Variants in ADAM11 observed in about 807,000 individuals in gnomAD.
ADAM11 encodes the protein disintegrin and metalloproteinase domain-containing protein 11.
A neutral mutation model predicts 119.1 loss-of-function variants in ADAM11; 49 were observed. That is an observed-to-expected ratio of 0.41 (90% CI 0.33 to 0.52). The LOEUF (loss-of-function observed/expected upper bound fraction) is 0.52. Among genes scored for constraint, ADAM11 ranks in the 20% least tolerant of loss-of-function variants. The pLI is 0.20. For synonymous variants in ADAM11, 364 were observed against 408.0 expected (o/e 0.89, Z 1.30); for missense variants, 777 against 1,047.5 (o/e 0.74, Z 3.56).
chr17:44,773,410 T>C lies in ADAM11; in HGVS notation c.975T>C (p.Asp325=). The C allele has an allele frequency of 6.2e-7, 1 of 1,613,494 alleles. No homozygotes were observed. Residue 325 remains aspartate (D), a synonymous_variant, in exon 11 of 27, where the codon GAT becomes GAC. Coordinates refer to ENST00000200557, the MANE Select transcript of ADAM11 (RefSeq NM_002390.6). This position sits in a 1 kb window ranked among gnomAD's most constrained non-coding sequence, Gnocchi z 4.6. ...YRREGLPEPS[D]ATHLFSGRTF... is the part of the protein sequence containing the mutation. ...GGGAGGGTCTGCCTGAGCCCAGTGA[T>C]GCCACCCACCTCTTCTCGTGAGTCC... is the stretch of plus-strand genomic sequence containing the variant.
intron 2 of ADAM11, among the ~76,000 whole-genome samples, chr17:44,767,685 G>A (rs142313238): frequency 0.01 from 1,597 of 152,352 alleles, 14 homozygotes; most frequent in South Asian, 0.014. Flanking sequence ...CACTGCCCCA[G>A]GGGCTTATCT....
chr17:44,774,133 G>T (rs1358544274), intron 11 of ADAM11, among the ~76,000 whole-genome samples, 162 bp from the exon 12 acceptor site: 2 of 152,042 alleles, frequency 1.3e-5, no homozygotes, highest in African/African-American at 4.8e-5. Context: ...AACCCAAGGA[G>T]GGGGGGAAGG....
intron 4 of ADAM11, among the ~76,000 whole-genome samples, chr17:44,770,494 C>T (rs1229663241): frequency 9.4e-5 from 5 of 53,258 alleles, no homozygotes; most frequent in Non-Finnish European, 1.9e-4. Context: ...TGTCTCCCCC[C>T]CCCCCGCCCC....
At position 44,773,446 on chromosome 17, in the gene ADAM11, A is replaced by T; in HGVS notation, c.992+19A>T. ...TCTTCTCGTGAGTCCCCCACCCTGC[A>T]CCTCCTGCCAGCCTCTGCTAGTTGC... On this transcript the variant is annotated intron_variant, in intron 11 of 26. Transcript: ENST00000200557. This position sits in a 1 kb window ranked among gnomAD's most constrained non-coding sequence, Gnocchi z 4.6. 1 of 1,605,910 alleles carries T rather than the reference A, an allele frequency of 6.2e-7. No individual in the cohort carries two copies.
rs777921087 is a variant in ADAM11 at position 44,759,819 on chromosome 17, G to C, written c.159G>C (p.Leu53=). 3 of 1,317,396 alleles carry C rather than the reference G, an allele frequency of 2.3e-6. No individual in the cohort carries two copies. The South Asian group carries it at 9.1e-5, about 40-fold the overall frequency. The allele number at this position is 1,317,396 out of a possible 1,614,324, so 81.6% of individuals were successfully genotyped here. A position where few individuals can be genotyped will look rare whatever the true frequency, so the allele number is the denominator to read the frequency against. The change falls in exon 2 of 27, where the codon CTG becomes CTC. Residue 53 remains leucine (L), a synonymous_variant. Transcript: ENST00000200557. Reference sequence around the variant, plus strand: ...CTGAGGTCACGGAACCCAGCCGTCTGGTTAGGGAGAGCTCCGGGGGAGAGG... The same window carrying C: ...CTGAGGTCACGGAACCCAGCCGTCTCGTTAGGGAGAGCTCCGGGGGAGAGG... The part of the protein sequence containing the change: ...GAPEVTEPSR[L]VRESSGGEVR...
chr17:44,764,935 G>A (rs1462457091), intron 2 of ADAM11, among the ~76,000 whole-genome samples: 1 of 151,958 alleles, frequency 6.6e-6, no homozygotes. Context: ...TGTCAGGCTC[G>A]GGGTGGGGTC....
rs375753482 is a variant in ADAM11 at position 44,775,547 on chromosome 17, C to A, written c.1393-37C>A. 12 of 1,559,840 alleles carry A rather than the reference C, an allele frequency of 7.7e-6. No homozygotes were observed. Among genetic ancestry groups the A allele is most frequent in the Admixed American group, 1.9e-5 (1 of 52,798 alleles). On this transcript the variant is annotated intron_variant, in intron 16 of 26. Transcript: ENST00000200557. The surrounding 1 kb of genome is among the most constrained non-coding windows in gnomAD (Gnocchi z 7.5). ...GAGCGTCTGAGTGGGAGGATTAGGGCTCGCCCGCCTCCTTCCCCTCCTCCC... is the reference window on the plus strand; with the variant it reads ...GAGCGTCTGAGTGGGAGGATTAGGGATCGCCCGCCTCCTTCCCCTCCTCCC...
At chr17:44,760,905 T>C (rs1393416885) in intron 2 of ADAM11, among the ~76,000 whole-genome samples, 1 of 147,842 alleles carries the variant, frequency 6.8e-6, no homozygotes, top group African/African-American at 2.5e-5. Flanking sequence ...GGTGCAGGGG[T>C]GGAGAATACT....
chr17:44,771,922 T>C, intron 6 of ADAM11, 91 bp downstream of exon 6: 2 of 1,444,396 alleles, frequency 1.4e-6, no homozygotes, highest in South Asian at 2.5e-5. Context: ...CTCCTCCGGC[T>C]CCTCCCTCAG....
chr17:44,763,767 A>C (rs1400933367), intron 2 of ADAM11, among the ~76,000 whole-genome samples: 1 of 150,714 alleles, frequency 6.6e-6, no homozygotes, highest in Non-Finnish European at 1.5e-5. Flanking sequence ...CCCAGGCTGG[A>C]GTGCAGCAGC....
intron 2 of ADAM11, 121 bp downstream of exon 2, chr17:44,760,018 C>G (rs1271978153): frequency 1.3e-5 from 13 of 1,028,550 alleles, no homozygotes; most frequent in African/African-American, 1.7e-5. Context: ...CCCTTCTGTA[C>G]AGTGGGCTAT....
At chr17:44,779,556 G>C (rs906973515) in intron 26 of ADAM11, 183 bp from the exon 27 acceptor site, 3 of 985,276 alleles carry the variant, frequency 3.0e-6, no homozygotes, top group Non-Finnish European at 3.6e-6. Context: ...GGCCCTCCCT[G>C]TGCGTCCCAT....
In ADAM11 at chr17:44,775,142, C is replaced by T; in HGVS notation, c.1221-70C>T. On this transcript the variant is annotated intron_variant, in intron 14 of 26. Coordinates refer to ENST00000200557, the MANE Select transcript of ADAM11 (RefSeq NM_002390.6). The surrounding 1 kb of genome is among the most constrained non-coding windows in gnomAD (Gnocchi z 7.5). ...ACGAAGTCCCCCAGTGTACCCCCTC[C>T]CCAGCCTTGAGAGGGGTGAGGGTGG... 3 of 1,327,144 alleles carry T rather than the reference C, an allele frequency of 2.3e-6. No homozygotes were observed. The highest frequency in any genetic ancestry group is 3.2e-6 in the Non-Finnish European group (3 of 928,898). The allele number at this position is 1,327,144 out of a possible 1,614,324, so 82.2% of individuals were successfully genotyped here.
Position 44,777,090 on chromosome 17 carries a change from G to C in ADAM11, c.1682-76G>C. The C allele has an allele frequency of 6.5e-7, 1 of 1,544,850 alleles. No individual in the cohort carries two copies. ...CCAGGATCTCAGGGACCCAGGCAGA[G>C]TGTGGGAGATGCAGGCCTGAGGTCT... On this transcript the variant is annotated intron_variant, in intron 20 of 26. Transcript: ENST00000200557. This position sits in a 1 kb window ranked among gnomAD's most constrained non-coding sequence, Gnocchi z 5.1.
rs758413071 is a variant in ADAM11 at position 44,776,791 on chromosome 17, A to G, written c.1613A>G (p.Glu538Gly). Residue 538 changes from glutamate to glycine, a missense_variant, in exon 19 of 27, where the codon GAG becomes GGG. Glu to Gly is a moderately conservative substitution (Grantham distance 98). Transcript: ENST00000200557. The surrounding 1 kb of genome is among the most constrained non-coding windows in gnomAD (Gnocchi z 5.2). ...CTGGACGGTTACTACTGTGACCATG[A>G]GCAGGTATGATGGCTGCCCCCTGAG... ...HKLDGYYCDHEQGRCYGGRCK... is the reference protein window; with the variant it reads ...HKLDGYYCDHGQGRCYGGRCK... 1 of 1,614,124 alleles carries G rather than the reference A, an allele frequency of 6.2e-7. No individual in the cohort carries two copies. The highest frequency in any genetic ancestry group is 8.5e-7 in the Non-Finnish European group (1 of 1,180,012).
rs2049367882 is a variant in ADAM11, at chr17:44,759,838, G to A, written c.178G>A (p.Gly60Arg). ...CCGTCTGGTTAGGGAGAGCTCCGGG[G>A]GAGAGGTCCGAAAGCAGCAGCTGGA... ...PSRLVRESSG[G>R]EVRKQQLDTR... The change falls in exon 2 of 27, where the codon GGA (glycine) becomes AGA (arginine). Residue 60 changes from glycine (G) to arginine (R), a missense_variant. By Grantham distance (125) the Gly-to-Arg change is moderately radical (BLOSUM62 -2). Around this residue, in one of 4 missense-constraint regions of ADAM11, gnomAD observed 278 missense variants for 310.1 expected, o/e 0.90. Coordinates refer to ENST00000200557, the MANE Select transcript of ADAM11 (RefSeq NM_002390.6). 4 of 1,314,948 alleles carry A rather than the reference G, an allele frequency of 3.0e-6. No homozygotes were observed. The highest frequency in any genetic ancestry group is 3.9e-6 in the Non-Finnish European group (4 of 1,023,670). The allele number at this position is 1,314,948 out of a possible 1,614,324, so 81.5% of individuals were successfully genotyped here.
chr17:44,759,877 C>G lies in ADAM11; in HGVS notation c.217C>G (p.Gln73Glu), dbSNP rs777015081. The change falls in exon 2 of 27, where the codon CAG becomes GAG. Residue 73 changes from glutamine to glutamate, a missense_variant. By Grantham distance (29) the Gln-to-Glu change is conservative. Around this residue, in one of 4 missense-constraint regions of ADAM11, gnomAD observed 278 missense variants for 310.1 expected, o/e 0.90. Transcript: ENST00000200557. ...GCAGCAGCTGGACACAAGGGTCCGC[C>G]AGGAGCCACCAGGGGGCCCGGTGAG... ...RKQQLDTRVR[Q>E]EPPGGPPVHL... 1 of 1,306,620 alleles carries G rather than the reference C, an allele frequency of 7.7e-7. No individual in the cohort carries two copies. The highest frequency in any genetic ancestry group is 9.8e-7 in the Non-Finnish European group (1 of 1,019,956). The allele number at this position is 1,306,620 out of a possible 1,614,324, so 80.9% of individuals were successfully genotyped here. A position where few individuals can be genotyped will look rare whatever the true frequency, so the allele number is the denominator to read the frequency against.
At chr17:44,761,433 G>T (rs937092894) in intron 2 of ADAM11, among the ~76,000 whole-genome samples, 1 of 152,182 alleles carries the variant, frequency 6.6e-6, no homozygotes, top group Non-Finnish European at 1.5e-5. Context: ...GTCTGCAGCT[G>T]CGTGGGAAGG....
rs1371704600 is a variant in ADAM11 at position 44,773,393 on chromosome 17, C to G, written c.958C>G (p.Leu320Val). The stretch of plus-strand genomic sequence containing the variant: ...GCTCATGGTCTACCGACGGGAGGGT[C>G]TGCCTGAGCCCAGTGATGCCACCCA... Reference protein sequence around the residue: ...ARLMVYRREGLPEPSDATHLF... With the variant: ...ARLMVYRREGVPEPSDATHLF... Residue 320 changes from leucine (L) to valine (V), a missense_variant, in exon 11 of 27, where the codon CTG becomes GTG. Leu to Val is a conservative substitution (Grantham distance 32, BLOSUM62 1). Transcript: ENST00000200557. This position sits in a 1 kb window ranked among gnomAD's most constrained non-coding sequence, Gnocchi z 4.6. 5.6e-6 allele frequency: 9 copies of G among 1,613,868 alleles called. No individual in the cohort carries two copies. Among genetic ancestry groups the G allele is most frequent in the Non-Finnish European group, 6.8e-6 (8 of 1,179,936 alleles).
Sources: gnomAD v4.1 joint callset for allele counts (sites outside exome capture counted in the v4.1 genomes callset) on GRCh38, gnomAD v4.1.1 for gene constraint, gnomAD v4.1.1 regional missense constraint, Gnocchi (gnomAD v3.1) non-coding constraint, MANE v1.5 for transcripts, NCBI Gene and HGNC (gene_info 2026-07-23, HGNC 2026-07-21) for gene names.